Variants in ARID1B observed in about 807,000 individuals in gnomAD.
ARID1B encodes AT-rich interaction domain 1B, also known as AT-rich interactive domain-containing protein 1B.
A neutral mutation model predicts 212.3 loss-of-function variants in ARID1B; 30 were observed. The ratio of observed to expected loss-of-function variants is 0.14; its 90% CI spans 0.11 to 0.19. The LOEUF is 0.19. Ranked by LOEUF, ARID1B falls within the 10% of genes least tolerant of loss-of-function variation. The pLI, the probability that ARID1B is intolerant of heterozygous loss-of-function variation, is 1.00. For missense variants in ARID1B, 2,891 were observed against 3,204.0 expected (o/e 0.90, Z 2.36); for synonymous variants, 1,402 against 1,301.7 (o/e 1.08, Z -1.66).
At chr6:156,935,317 C>T (rs1562495173) in intron 3 of ARID1B, 149 bp from the exon 4 acceptor site, 11 of 614,546 alleles carry the variant, frequency 1.8e-5, no homozygotes, top group Admixed American at 2.9e-5. Context: ...TGGGCTCAAG[C>T]GATCTGCCTG....
intron 6 of ARID1B, among the ~76,000 whole-genome samples, chr6:157,115,774 C>T (rs918109460): frequency 2.0e-5 from 3 of 152,118 alleles, no homozygotes; most frequent in African/African-American, 4.8e-5. Flanking sequence ...ATTTTTTGGC[C>T]TTTACTTCTT....
intron 13 of ARID1B, chr6:157,184,731 A>G (rs1024039516): frequency 4.5e-6 from 2 of 442,758 alleles, no homozygotes; most frequent in Non-Finnish European, 8.3e-6. Context: ...TATTGCTTAT[A>G]CAAGTATTCA....
chr6:157,080,862 GT>G (rs1421849807), intron 4 of ARID1B, among the ~76,000 whole-genome samples: 3 of 152,260 alleles, frequency 2.0e-5, no homozygotes, highest in Middle Eastern at 3.4e-3. Context: ...CATGATTTTG[GT>G]TTTTGAAGGC....
intron 2 of ARID1B, among the ~76,000 whole-genome samples, chr6:156,879,740 C>A (rs958240920): frequency 1.3e-5 from 2 of 152,148 alleles, no homozygotes; most frequent in Non-Finnish European, 2.9e-5. Context: ...GTAAAGTCAA[C>A]TCTTGCTGGG....
At chr6:157,078,250 C>T (rs1784428394) in intron 4 of ARID1B, among the ~76,000 whole-genome samples, 1 of 152,078 alleles carries the variant, frequency 6.6e-6, no homozygotes, top group African/African-American at 2.4e-5. Context: ...GTGGTGGTAT[C>T]AGTTGTTGCT....
At chr6:156,985,080 A>C (rs945122218) in intron 4 of ARID1B, 7 of 152,214 alleles carry the variant, frequency 4.6e-5, no homozygotes, top group Admixed American at 1.3e-4. Context: ...TATATTTTTA[A>C]AGTTCTTACA....
intron 6 of ARID1B, among the ~76,000 whole-genome samples, chr6:157,129,722 C>G (rs1387498994): frequency 1.3e-5 from 2 of 152,070 alleles, no homozygotes; most frequent in African/African-American, 4.8e-5. Flanking sequence ...ATGCCAGTGA[C>G]AATTGAGATA....
chr6:156,879,828 T>C (rs1786899135), intron 2 of ARID1B, among the ~76,000 whole-genome samples: 1 of 152,224 alleles, frequency 6.6e-6, no homozygotes, highest in African/African-American at 2.4e-5. Flanking sequence ...TTAGCCTTCC[T>C]GTGTTTTAGA....
chr6:157,052,261 C>T (rs1782658970), intron 4 of ARID1B, among the ~76,000 whole-genome samples: 3 of 152,324 alleles, frequency 2.0e-5, no homozygotes, highest in East Asian at 3.9e-4. Flanking sequence ...AGTCAAGCTT[C>T]TCAGCCTGTG....
At chr6:157,036,043 C>T (rs1402359408) in intron 4 of ARID1B, among the ~76,000 whole-genome samples, 1 of 152,074 alleles carries the variant, frequency 6.6e-6, no homozygotes, top group Non-Finnish European at 1.5e-5. Flanking sequence ...CTGATATTGC[C>T]CACCCACCCC....
intron 3 of ARID1B, among the ~76,000 whole-genome samples, chr6:156,902,394 A>G (rs1789020386): frequency 6.6e-6 from 1 of 152,150 alleles, no homozygotes; most frequent in African/African-American, 2.4e-5. Flanking sequence ...TGTAGCATCG[A>G]CTTTTTCCTC....
chr6:157,048,812 A>C (rs1021989342), intron 4 of ARID1B, among the ~76,000 whole-genome samples: 1 of 152,200 alleles, frequency 6.6e-6, no homozygotes. Flanking sequence ...TCGTTTGTGC[A>C]TAGCCACAGC....
chr6:156,989,801 G>A (rs1778159055), intron 4 of ARID1B, among the ~76,000 whole-genome samples: 1 of 152,166 alleles, frequency 6.6e-6, no homozygotes, highest in Admixed American at 6.5e-5. Context: ...TTGAGGTGAT[G>A]GTGGGAGTGG....
chr6:156,867,711 T>G (rs1785807401), intron 2 of ARID1B, among the ~76,000 whole-genome samples: 1 of 152,218 alleles, frequency 6.6e-6, no homozygotes, highest in African/African-American at 2.4e-5. Context: ...GAGAATATAC[T>G]TCTGGTGTGA....
chr6:157,201,627 T>C lies in ARID1B; in HGVS notation c.5263+139T>C. ...GAAGTTATCAAGATGCGTTTTTATA[T>C]AGGAGTAATATAGTTGGAGGCTGCT... On this transcript the variant is annotated intron_variant, in intron 18 of 19. Coordinates refer to ENST00000636930, the MANE Select transcript of ARID1B (RefSeq NM_001374828.1). The surrounding 1 kb of genome is among the most constrained non-coding windows in gnomAD (Gnocchi z 5.2). 1 of 1,045,502 alleles carries C rather than the reference T, an allele frequency of 9.6e-7. No homozygotes were observed. The highest frequency in any genetic ancestry group is 2.1e-5 in the South Asian group (1 of 47,110). 64.8% of individuals were successfully genotyped at this position (1,045,502 alleles called of 1,614,324 possible).
At position 156,966,758 on chromosome 6, in the gene ARID1B, T is replaced by C. The variant is rs561850376; in HGVS notation, c.2247+31182T>C. Among the ~76,000 whole-genome samples the C allele has an allele frequency of 2.0e-5, 3 of 152,282 alleles. No homozygotes were observed. In the South Asian group the frequency reaches 6.2e-4, roughly 32 times the overall value. Reference sequence around the variant, plus strand: ...GCTCTGTCGCTAGGCTGGAGTGCAGTGGCGCGATCTCGGCTCACTGCATCC... The same window carrying C: ...GCTCTGTCGCTAGGCTGGAGTGCAGCGGCGCGATCTCGGCTCACTGCATCC... On this transcript the variant is annotated intron_variant, in intron 4 of 19. Coordinates refer to ENST00000636930, the MANE Select transcript of ARID1B (RefSeq NM_001374828.1).
rs1047546894 is a variant in ARID1B at position 157,201,929 on chromosome 6, A to G, written c.5263+441A>G. ...TTAACCAAGCCACTTAATCACTACAATACGTGCCTAACAGACCCCCCCATG... is the reference window on the plus strand; with the variant it reads ...TTAACCAAGCCACTTAATCACTACAGTACGTGCCTAACAGACCCCCCCATG... On this transcript the variant is annotated intron_variant, in intron 18 of 19. Coordinates refer to ENST00000636930, the MANE Select transcript of ARID1B (RefSeq NM_001374828.1). The surrounding 1 kb of genome is among the most constrained non-coding windows in gnomAD (Gnocchi z 5.2). 4.6e-5 allele frequency among the ~76,000 whole-genome samples: 7 copies of G among 152,338 alleles called. No individual in the cohort carries two copies. The highest frequency in any genetic ancestry group is 1.9e-4 in the East Asian group (1 of 5,190).
chr6:156,881,464 T>C (rs1787090558), intron 2 of ARID1B, among the ~76,000 whole-genome samples: 1 of 152,236 alleles, frequency 6.6e-6, no homozygotes, highest in South Asian at 2.1e-4. Context: ...TGCACACATC[T>C]ATGTATATAT....
intron 4 of ARID1B, among the ~76,000 whole-genome samples, chr6:156,963,385 T>C (rs1004292283): frequency 5.3e-5 from 8 of 152,272 alleles, no homozygotes; most frequent in Admixed American, 5.2e-4. Context: ...TCGTGGATAA[T>C]TTCTTTTAGA....
Sources: gnomAD v4.1 joint callset for allele counts (sites outside exome capture counted in the v4.1 genomes callset) on GRCh38, gnomAD v4.1.1 for gene constraint, Gnocchi (gnomAD v3.1) non-coding constraint, MANE v1.5 for transcripts, NCBI Gene and HGNC (gene_info 2026-07-23, HGNC 2026-07-21) for gene names.